SLC16A7: variants seen among roughly 807,000 people sequenced by gnomAD.
SLC16A7 encodes solute carrier family 16 member 7.
In SLC16A7, 33 loss-of-function variants were observed where a neutral mutation model predicts 34.9. The ratio of observed to expected loss-of-function variants is 0.94; its 90% CI spans 0.72 to 1.26. The LOEUF is 1.26. SLC16A7 is among the 50% of genes most tolerant of loss of function. The pLI, the probability that SLC16A7 is intolerant of heterozygous loss-of-function variation, is 0.00. For synonymous variants in SLC16A7, 201 were observed against 206.6 expected (o/e 0.97, Z 0.23); for missense variants, 573 against 578.1 (o/e 0.99, Z 0.09).
chr12:59,691,296 C>G (rs1471376859), intron 2 of SLC16A7, among the ~76,000 whole-genome samples: 1 of 151,878 alleles, frequency 6.6e-6, no homozygotes, highest in Non-Finnish European at 1.5e-5. Flanking sequence ...AATATACACT[C>G]CAATTAGTGG....
chr12:59,693,632 T>C (rs1474941306), intron 2 of SLC16A7, among the ~76,000 whole-genome samples: 1 of 151,856 alleles, frequency 6.6e-6, no homozygotes, highest in Non-Finnish European at 1.5e-5. Flanking sequence ...AGCACAGGTG[T>C]AAATAAGCTG....
chr12:59,785,077 T>C lies in SLC16A7; in HGVS notation c.*5398T>C, dbSNP rs967893971. On this transcript the variant is annotated 3_prime_UTR_variant, in exon 6 of 6. Transcript: ENST00000547379. ...AGATTTTGATTTCTGCACAACCATA[T>C]GCAGAACTCATGTTTGAGAAGGCAC... 8.5e-5 allele frequency: 13 copies of C among 152,200 alleles called. No individual in the cohort carries two copies. 9.4% of individuals were successfully genotyped at this position (152,200 alleles called of 1,614,324 possible). A position where few individuals can be genotyped will look rare whatever the true frequency, so the allele number is the denominator to read the frequency against.
At chr12:59,757,694 T>C (rs1880547682) in intron 3 of SLC16A7, among the ~76,000 whole-genome samples, 1 of 152,094 alleles carries the variant, frequency 6.6e-6, no homozygotes, top group Non-Finnish European at 1.5e-5. Context: ...CCTCCACCTC[T>C]TCCATCTCTG....
chr12:59,604,071 T>A (rs1878819969), intron 1 of SLC16A7, among the ~76,000 whole-genome samples: 1 of 152,270 alleles, frequency 6.6e-6, no homozygotes, highest in African/African-American at 2.4e-5. Context: ...TCCTGTTTTT[T>A]GCATGTGACC....
rs1883711989 is a variant in SLC16A7, at chr12:59,787,570, G to A, written c.*7891G>A. ...TAAATTAAAGATCTGTGGTGAAGGG[G>A]AAGAGGGGTTGCTATTAGGAGTTTT... On this transcript the variant is annotated 3_prime_UTR_variant, in exon 6 of 6. Transcript: ENST00000547379. The A allele has an allele frequency of 6.6e-6, 1 of 152,186 alleles. No homozygotes were observed. Among genetic ancestry groups the A allele is most frequent in the Non-Finnish European group, 1.5e-5 (1 of 68,036 alleles). The allele number at this position is 152,186 out of a possible 1,614,324, so 9.4% of individuals were successfully genotyped here.
chr12:59,622,665 ATTC>A (rs1232725421), intron 1 of SLC16A7, among the ~76,000 whole-genome samples: 8 of 151,680 alleles, frequency 5.3e-5, no homozygotes, highest in Admixed American at 3.3e-4. Flanking sequence ...GGTCATAAAG[ATTC>A]TATCCTAAAT....
At chr12:59,728,926 A>G (rs1876609237) in intron 3 of SLC16A7, among the ~76,000 whole-genome samples, 1 of 152,228 alleles carries the variant, frequency 6.6e-6, no homozygotes, top group South Asian at 2.1e-4. Context: ...AGTGGGAAAT[A>G]TCAAATAATT....
intron 3 of SLC16A7, among the ~76,000 whole-genome samples, chr12:59,735,125 A>C (rs1187054224): frequency 1.3e-5 from 2 of 152,224 alleles, no homozygotes; most frequent in Non-Finnish European, 2.9e-5. Flanking sequence ...CTAAGGTATA[A>C]ATAGTACACC....
At chr12:59,717,432 T>A (rs556320919) in intron 3 of SLC16A7, among the ~76,000 whole-genome samples, 91 of 152,352 alleles carry the variant, frequency 6.0e-4, no homozygotes, top group African/African-American at 2.2e-3. Flanking sequence ...AAAACAAGTT[T>A]AATCAGATGA....
At chr12:59,673,856 C>A (rs1228077216) in intron 2 of SLC16A7, among the ~76,000 whole-genome samples, 1 of 152,108 alleles carries the variant, frequency 6.6e-6, no homozygotes, top group Non-Finnish European at 1.5e-5. Context: ...CCAAGGATAT[C>A]ATCATCTCTC....
At chr12:59,760,065 A>G in intron 3 of SLC16A7, among the ~76,000 whole-genome samples, 1 of 152,060 alleles carries the variant, frequency 6.6e-6, no homozygotes. Flanking sequence ...TTAGTGTCTG[A>G]GAAATACACA....
In SLC16A7 at chr12:59,686,095, C is replaced by CTT. The variant is rs572779305; in HGVS notation, c.-30-18657_-30-18656dup. Among the ~76,000 whole-genome samples, 387 of 93,522 alleles carry CTT rather than the reference C, an allele frequency of 4.1e-3. 5 individuals are homozygous for CTT. Among genetic ancestry groups the CTT allele is most frequent in the South Asian group, 9.0e-3 (25 of 2,790 alleles). The allele number at this position is 93,522 out of a possible 152,430, so 61.4% of individuals were successfully genotyped here. ...AGTGATTCTTTCAAAAAGAACTTTT[C>CTT]TTTTTTTTTTTTTTTTTTTTTGCAG... On this transcript the variant is annotated intron_variant, in intron 2 of 5. Coordinates refer to ENST00000547379, the MANE Select transcript of SLC16A7 (RefSeq NM_001270623.2).
At chr12:59,627,080 A>G (rs568113747) in intron 1 of SLC16A7, among the ~76,000 whole-genome samples, 17 of 151,970 alleles carry the variant, frequency 1.1e-4, no homozygotes, top group African/African-American at 4.1e-4. Flanking sequence ...GTTGTCTTGT[A>G]AATAAAACTT....
intron 2 of SLC16A7, chr12:59,689,601 T>TA (rs1312203275): frequency 6.7e-6 from 1 of 149,360 alleles, no homozygotes; most frequent in African/African-American, 2.4e-5. Flanking sequence ...GGGTTTTTTT[T>TA]ATTTGATTTT....
intron 2 of SLC16A7, among the ~76,000 whole-genome samples, chr12:59,688,659 G>A (rs1451911363): frequency 6.6e-6 from 1 of 152,064 alleles, no homozygotes; most frequent in South Asian, 2.1e-4. Flanking sequence ...CTGTCTGTGA[G>A]TATCCTCTTT....
chr12:59,771,445 T>C (rs1205334942), intron 4 of SLC16A7, 83 bp downstream of exon 4: 1 of 981,430 alleles, frequency 1.0e-6, no homozygotes, highest in Non-Finnish European at 1.4e-6. Flanking sequence ...CAGAAAATTC[T>C]TATTTTCTTT....
At chr12:59,658,375 C>T (rs1272297254) in intron 2 of SLC16A7, among the ~76,000 whole-genome samples, 1 of 152,012 alleles carries the variant, frequency 6.6e-6, no homozygotes, top group Non-Finnish European at 1.5e-5. Context: ...ATAGATGGAT[C>T]TTTGGGTAGC....
rs556703883 is a variant in SLC16A7 at position 59,657,036 on chromosome 12, A to G, written c.-31+1786A>G. 2.0e-5 allele frequency among the ~76,000 whole-genome samples: 3 copies of G among 152,020 alleles called. No homozygotes were observed. The East Asian group carries it at 5.8e-4, about 29-fold the overall frequency. Reference sequence around the variant, plus strand: ...GAGAATTAACTATTAATTTGTGTTAAGTACTTAGAATATTATTAATACTTG... The same window carrying G: ...GAGAATTAACTATTAATTTGTGTTAGGTACTTAGAATATTATTAATACTTG... On this transcript the variant is annotated intron_variant, in intron 2 of 5. Coordinates refer to ENST00000547379, the MANE Select transcript of SLC16A7 (RefSeq NM_001270623.2).
intron 3 of SLC16A7, among the ~76,000 whole-genome samples, chr12:59,738,289 C>G (rs1877839543): frequency 2.6e-5 from 4 of 152,120 alleles, no homozygotes; most frequent in Admixed American, 2.6e-4. Flanking sequence ...AAATATGCAA[C>G]TATACTATAA....
Sources: allele counts gnomAD v4.1 joint callset (sites outside exome capture counted in the v4.1 genomes callset), GRCh38; gene constraint gnomAD v4.1.1; transcripts MANE v1.5; gene names NCBI Gene and HGNC (gene_info 2026-07-23, HGNC 2026-07-21).